DAPK2: variants seen among roughly 807,000 people sequenced by gnomAD.
DAPK2 encodes the protein death-associated protein kinase 2.
A neutral mutation model predicts 44.1 loss-of-function variants in DAPK2; 35 were observed. The ratio of observed to expected loss-of-function variants is 0.79; its 90% CI spans 0.61 to 1.05. The LOEUF (loss-of-function observed/expected upper bound fraction) is 1.05, where lower values mean the gene tolerates loss of function less well. DAPK2 is among the 50% of genes least tolerant of loss of function. The probability of loss-of-function intolerance (pLI) is 0.00; values close to 1 mark genes in which losing one functional copy is unlikely to be tolerated. For missense variants in DAPK2, 453 were observed against 483.2 expected (o/e 0.94, Z 0.59); for synonymous variants, 174 against 182.6 (o/e 0.95, Z 0.38).
intron 2 of DAPK2, among the ~76,000 whole-genome samples, chr15:63,979,104 G>A (rs2078433851): frequency 6.6e-6 from 1 of 152,148 alleles, no homozygotes; most frequent in Non-Finnish European, 1.5e-5. Flanking sequence ...TTGGAATCAA[G>A]GAGGCCCCAG....
At chr15:64,006,238 A>T (rs1181758638) in intron 1 of DAPK2, among the ~76,000 whole-genome samples, 2 of 152,052 alleles carry the variant, frequency 1.3e-5, no homozygotes, top group African/African-American at 4.8e-5. Flanking sequence ...CCGCCACCAA[A>T]GCAGCACCTG....
At chr15:63,983,606 C>A (rs1189525115) in exon 2 of DAPK2, 9 of 1,614,212 alleles carry the variant, frequency 5.6e-6, no homozygotes, top group Non-Finnish European at 1.7e-6. Context: ...TGGTGCAGCA[C>A]CTGCCGCAGG....
At chr15:63,924,828 G>T in exon 8 of DAPK2, 1 of 1,614,220 alleles carries the variant, frequency 6.2e-7, no homozygotes, top group Non-Finnish European at 8.5e-7. Flanking sequence ...TGATCCAGGG[G>T]TGTCTGAGAG....
At chr15:63,950,294 C>T (rs60947319) in intron 3 of DAPK2, among the ~76,000 whole-genome samples, 301 of 152,310 alleles carry the variant, frequency 2.0e-3, no homozygotes, top group African/African-American at 7.0e-3. Flanking sequence ...CAGCTCATTG[C>T]AGCCTCAACT....
upstream of DAPK2, among the ~76,000 whole-genome samples, chr15:64,040,936 T>C (rs942035288): frequency 9.1e-5 from 13 of 143,116 alleles, no homozygotes; most frequent in Non-Finnish European, 1.4e-4. Flanking sequence ...AGCTTTAAAG[T>C]CAGAAGTCCT....
At chr15:63,926,564 A>G (rs2079277712) in intron 6 of DAPK2, among the ~76,000 whole-genome samples, 1 of 152,212 alleles carries the variant, frequency 6.6e-6, no homozygotes, top group Admixed American at 6.5e-5. Context: ...CAACTTGAGC[A>G]GAGCCCACAA....
chr15:63,955,972 T>A (rs766981838), intron 3 of DAPK2, among the ~76,000 whole-genome samples: 1 of 152,200 alleles, frequency 6.6e-6, no homozygotes, highest in African/African-American at 2.4e-5. Context: ...TTGATCTTCT[T>A]ACTTGTTATT....
chr15:63,971,013 T>C lies in DAPK2; in HGVS notation c.453+410A>G, dbSNP rs370601018. Among the ~76,000 whole-genome samples the C allele has an allele frequency of 3.9e-5, 6 of 152,204 alleles. No individual in the cohort carries two copies. In the East Asian group the frequency reaches 5.8e-4, roughly 15 times the overall value. On this transcript the variant is annotated intron_variant, in intron 3 of 10. Transcript: ENST00000261891. ...GGTCAAGGGATGATGGAGGCTGCAC[T>C]ATGAATGGGTCTGGCGAGCCAGCCA...
intron 1 of DAPK2, among the ~76,000 whole-genome samples, chr15:64,012,116 G>T (rs2079404499): frequency 6.6e-6 from 1 of 152,158 alleles, no homozygotes; most frequent in Non-Finnish European, 1.5e-5. Context: ...AATCTTAAAA[G>T]TCCTGGCAAA....
chr15:63,977,706 AC>A (rs2078392475), intron 2 of DAPK2, among the ~76,000 whole-genome samples: 2 of 152,150 alleles, frequency 1.3e-5, no homozygotes, highest in South Asian at 4.1e-4. Flanking sequence ...GCTTTCCCAA[AC>A]ATTTCCTCAC....
rs145658373 is a variant in DAPK2 at position 63,924,856 on chromosome 15, C to T, written c.818G>A (p.Arg273Gln). The change falls in exon 8 of 11, where the codon CGG becomes CAG. Residue 273 changes from arginine (R) to glutamine (Q), a missense_variant. Arg to Gln is a conservative substitution (Grantham distance 43). Coordinates refer to ENST00000261891, the Ensembl canonical transcript of DAPK2. ...TCTGAGAGCCTCTTGGATTGTGAGC[C>T]GTTTCCTGCAATGAGGATTGGGAAA... 7.4e-6 allele frequency: 12 copies of T among 1,614,160 alleles called. No homozygotes were observed. Among genetic ancestry groups the T allele is most frequent in the East Asian group, 6.7e-5 (3 of 44,882 alleles).
intron 3 of DAPK2, among the ~76,000 whole-genome samples, chr15:63,943,268 A>T (rs1219873874): frequency 4.6e-5 from 7 of 152,114 alleles, no homozygotes; most frequent in South Asian, 2.1e-4. Flanking sequence ...TACAAAAAAA[A>T]TTTTTAAAAA....
In DAPK2 at chr15:64,017,677, A is replaced by T. The variant is rs141030755; in HGVS notation, c.92+22493T>A. On this transcript the variant is annotated intron_variant, in intron 1 of 10. Transcript: ENST00000261891. ...GCCTCGGTTTTCTCTTTTGTAAAAAATAGTCAATTATCCCTGCCTAACTAG... is the reference window on the plus strand; with the variant it reads ...GCCTCGGTTTTCTCTTTTGTAAAAATTAGTCAATTATCCCTGCCTAACTAG... 7.6e-3 allele frequency among the ~76,000 whole-genome samples: 1,158 copies of T among 152,356 alleles called. 13 individuals are homozygous for T. The highest frequency in any genetic ancestry group is 0.024 in the African/African-American group (1,013 of 41,570).
intron 2 of DAPK2, among the ~76,000 whole-genome samples, chr15:63,975,405 T>A (rs761997329): frequency 1.2e-4 from 19 of 152,154 alleles, no homozygotes; most frequent in Non-Finnish European, 2.4e-4. Context: ...ATGCACATTA[T>A]CTCATTTAAT....
At chr15:63,949,793 GGC>G (rs1182125923) in intron 3 of DAPK2, among the ~76,000 whole-genome samples, 1 of 152,180 alleles carries the variant, frequency 6.6e-6, no homozygotes, top group Admixed American at 6.5e-5. Context: ...CTGTGATCTT[GGC>G]AAGTCACTCA....
At chr15:63,929,971 C>T in intron 5 of DAPK2, 2 of 438,768 alleles carry the variant, frequency 4.6e-6, no homozygotes, top group Non-Finnish European at 8.6e-6. Context: ...AAGCAGCGTC[C>T]AAATGAAACG....
chr15:64,028,798 G>T (rs940169953), intron 1 of DAPK2, among the ~76,000 whole-genome samples: 1 of 151,868 alleles, frequency 6.6e-6, no homozygotes, highest in Admixed American at 6.6e-5. Flanking sequence ...ACCCACAGAC[G>T]GAAAGAAGGA....
chr15:63,999,430 C>G (rs1305633904), intron 1 of DAPK2, among the ~76,000 whole-genome samples: 1 of 152,130 alleles, frequency 6.6e-6, no homozygotes, highest in Non-Finnish European at 1.5e-5. Flanking sequence ...CATCTCATAA[C>G]TAAGGAAACA....
At chr15:64,031,311 C>T (rs1192926508) in intron 1 of DAPK2, among the ~76,000 whole-genome samples, 6 of 151,882 alleles carry the variant, frequency 4.0e-5, no homozygotes, top group Admixed American at 3.9e-4. Context: ...CAGCTCACTG[C>T]AGCTTCAACT....
Sources: allele counts gnomAD v4.1 joint callset (sites outside exome capture counted in the v4.1 genomes callset), GRCh38; gene constraint gnomAD v4.1.1; transcripts MANE v1.5; gene names NCBI Gene and HGNC (gene_info 2026-07-23, HGNC 2026-07-21).